Variants in NFYC observed in about 807,000 individuals in gnomAD.
The protein encoded by NFYC is CAAT box DNA-binding protein subunit C.
NFYC carries 25 observed loss-of-function variants against 53.1 expected under a neutral mutation model. The ratio of observed to expected loss-of-function variants is 0.47; its 90% CI spans 0.34 to 0.66. The LOEUF is 0.66. NFYC is among the 30% of genes least tolerant of loss of function. NFYC has a pLI of 0.01. For missense variants in NFYC, 260 were observed against 422.7 expected (o/e 0.62, Z 3.38); for synonymous variants, 145 against 152.6 (o/e 0.95, Z 0.37).
At chr1:40,757,966 T>C in intron 5 of NFYC, 155 bp from the exon 6 acceptor site, 1 of 739,104 alleles carries the variant, frequency 1.4e-6, no homozygotes, top group Non-Finnish European at 2.2e-6. Flanking sequence ...ATAACTGGTC[T>C]CTTTGAATTC....
intron 7 of NFYC, among the ~76,000 whole-genome samples, chr1:40,763,672 T>A (rs1023443581): frequency 1.3e-5 from 2 of 152,090 alleles, no homozygotes; most frequent in Non-Finnish European, 2.9e-5. Context: ...TATATATGCG[T>A]GTGTGTGTTT....
chr1:40,767,813 C>T (rs1340056767), intron 8 of NFYC, among the ~76,000 whole-genome samples: 8 of 152,130 alleles, frequency 5.3e-5, no homozygotes, highest in Non-Finnish European at 2.9e-5. Flanking sequence ...ACCGTTTCCA[C>T]TAAAAATACA....
intron 5 of NFYC, among the ~76,000 whole-genome samples, chr1:40,755,183 G>A (rs1646143211): frequency 6.6e-6 from 1 of 152,152 alleles, no homozygotes. Flanking sequence ...TTCCAGTCAG[G>A]GCTGGTTGCA....
At chr1:40,769,709 G>A (rs919269903) in intron 9 of NFYC, among the ~76,000 whole-genome samples, 3 of 152,140 alleles carry the variant, frequency 2.0e-5, no homozygotes, top group African/African-American at 7.2e-5. Context: ...GATGTTCATT[G>A]CAGAGCCAGG....
intron 1 of NFYC, among the ~76,000 whole-genome samples, chr1:40,734,340 C>CTTTATTTA (rs34100786): frequency 0.028 from 4,176 of 146,616 alleles, 154 homozygotes; most frequent in African/African-American, 0.08. Context: ...ACTACGGTTG[C>CTTTATTTA]TTTATTTATT....
chr1:40,722,385 G>A (rs1644360213), intron 1 of NFYC, among the ~76,000 whole-genome samples: 1 of 152,114 alleles, frequency 6.6e-6, no homozygotes, highest in African/African-American at 2.4e-5. Flanking sequence ...ATTATTTCAT[G>A]TTTATAAAAG....
chr1:40,759,286 G>A (rs1178648561), intron 6 of NFYC, among the ~76,000 whole-genome samples: 1 of 150,984 alleles, frequency 6.6e-6, no homozygotes, highest in Non-Finnish European at 1.5e-5. Context: ...TGTAATTCCA[G>A]CACTTTGGGA....
chr1:40,758,159 C>T lies in NFYC; in HGVS notation c.426C>T (p.Val142=). The T allele has an allele frequency of 3.7e-6, 6 of 1,612,302 alleles. No individual in the cohort carries two copies. The highest frequency in any genetic ancestry group is 5.1e-6 in the Non-Finnish European group (6 of 1,179,972). Reference sequence around the variant, plus strand: ...AGTCTGTAACTCCTGCCGAGCCAGTCCAGTACTATTTCACGCTGGCTCAGC... The same window carrying T: ...AGTCTGTAACTCCTGCCGAGCCAGTTCAGTACTATTTCACGCTGGCTCAGC... The part of the protein sequence containing the change: ...VRQSVTPAEP[V]QYYFTLAQQP... Residue 142 remains valine (V), a synonymous_variant, in exon 6 of 10, where the codon GTC becomes GTT. Coordinates refer to ENST00000447388, the MANE Select transcript of NFYC (RefSeq NM_014223.5).
At chr1:40,720,744 T>A (rs1023143652) in intron 1 of NFYC, among the ~76,000 whole-genome samples, 1 of 152,176 alleles carries the variant, frequency 6.6e-6, no homozygotes, top group Non-Finnish European at 1.5e-5. Flanking sequence ...GGCAAGCACC[T>A]GTAGTCCCCG....
intron 7 of NFYC, chr1:40,766,360 T>C: frequency 2.3e-6 from 1 of 438,046 alleles, no homozygotes; most frequent in Non-Finnish European, 4.1e-6. Context: ...CTTCTGGGAG[T>C]TTTTTCTGAA....
chr1:40,748,011 T>C (rs2148665492), intron 3 of NFYC, among the ~76,000 whole-genome samples: 1 of 152,208 alleles, frequency 6.6e-6, no homozygotes. Context: ...AATTTTTGTA[T>C]TTTTTGTAGA....
At chr1:40,692,906 C>G (rs2148389761) in intron 1 of NFYC, among the ~76,000 whole-genome samples, 1 of 152,216 alleles carries the variant, frequency 6.6e-6, no homozygotes, top group South Asian at 2.1e-4. Context: ...CAGGACCATA[C>G]AAGTAGTTTT....
chr1:40,744,481 AT>A (rs1362271040), intron 2 of NFYC, among the ~76,000 whole-genome samples: 6 of 152,168 alleles, frequency 3.9e-5, no homozygotes, highest in African/African-American at 1.4e-4. Context: ...GTTTCTCTTT[AT>A]TATTTGAAAC....
intron 1 of NFYC, among the ~76,000 whole-genome samples, chr1:40,707,680 A>C (rs1284335916): frequency 1.5e-4 from 22 of 151,344 alleles, no homozygotes; most frequent in Admixed American, 1.4e-3. Flanking sequence ...GAAAAGAAAG[A>C]AATAGAAAAA....
At chr1:40,704,292 C>T (rs1643587348) in intron 1 of NFYC, among the ~76,000 whole-genome samples, 1 of 152,046 alleles carries the variant, frequency 6.6e-6, no homozygotes, top group Non-Finnish European at 1.5e-5. Flanking sequence ...AGGATGGTCT[C>T]GATCTCCTGA....
chr1:40,699,005 A>G (rs1643294879), intron 1 of NFYC, among the ~76,000 whole-genome samples: 1 of 152,028 alleles, frequency 6.6e-6, no homozygotes, highest in Non-Finnish European at 1.5e-5. Flanking sequence ...TCTACTAAAG[A>G]TACAAAAAAT....
chr1:40,726,429 T>A (rs1248597892), intron 1 of NFYC, among the ~76,000 whole-genome samples: 4 of 149,858 alleles, frequency 2.7e-5, no homozygotes, highest in African/African-American at 9.9e-5. Flanking sequence ...GTTTTTTTTT[T>A]TTCCTCTCTC....
At chr1:40,728,202 CTG>C (rs1644607655) in intron 1 of NFYC, among the ~76,000 whole-genome samples, 2 of 152,230 alleles carry the variant, frequency 1.3e-5, no homozygotes, top group Admixed American at 1.3e-4. Flanking sequence ...GCATGAGCCA[CTG>C]TGCCCGGCCA....
At chr1:40,753,300 G>A in intron 5 of NFYC, 54 bp downstream of exon 5, 1 of 1,202,492 alleles carries the variant, frequency 8.3e-7, no homozygotes, top group Non-Finnish European at 1.2e-6. Flanking sequence ...TTTGTATACT[G>A]GTGTCAGATA....
Sources: allele counts gnomAD v4.1 joint callset (sites outside exome capture counted in the v4.1 genomes callset), GRCh38; gene constraint gnomAD v4.1.1; transcripts MANE v1.5; gene names NCBI Gene and HGNC (gene_info 2026-07-23, HGNC 2026-07-21).